The following CDH23 variants were observed in gnomAD, a reference collection of about 807,000 sequenced individuals.
CDH23 encodes cadherin related 23.
CDH23 carries 189 observed loss-of-function variants against 317.1 expected under a neutral mutation model. That is an observed-to-expected ratio of 0.60 (90% CI 0.53 to 0.67). CDH23 has a LOEUF of 0.67. CDH23 is among the 30% of genes least tolerant of loss of function. The probability of loss-of-function intolerance (pLI) is 0.00; values close to 1 mark genes in which losing one functional copy is unlikely to be tolerated. For synonymous variants in CDH23, 1,839 were observed against 1,876.8 expected, an observed-to-expected ratio of 0.98 and a Z score of 0.52; for missense variants, 4,401 against 4,592.4, an observed-to-expected ratio of 0.96 and a Z score of 1.20.
intron 22 of CDH23, among the ~76,000 whole-genome samples, chr10:71,700,742 A>G (rs549175811): frequency 3.9e-5 from 6 of 152,232 alleles, no homozygotes; most frequent in African/African-American, 9.6e-5. Flanking sequence ...AAGCCTGCCT[A>G]GGGTGCCACA....
rs535228720 is a variant in CDH23 at position 71,559,161 on chromosome 10, T to C, written c.430-7581T>C. Among the ~76,000 whole-genome samples the C allele has an allele frequency of 1.6e-4, 24 of 152,310 alleles. No individual in the cohort carries two copies. The East Asian group carries it at 4.6e-3, about 29-fold the overall frequency. The stretch of plus-strand genomic sequence containing the variant: ...CCTGAGCTTCAGCTCACCCGTCTCC[T>C]AAGGCAGTTATAACTGGCCCATCTG... On this transcript the variant is annotated intron_variant, in intron 6 of 69. Coordinates refer to ENST00000224721, the MANE Select transcript of CDH23 (RefSeq NM_022124.6).
intron 28 of CDH23, among the ~76,000 whole-genome samples, chr10:71,721,264 C>T (rs112200073): frequency 1.3e-5 from 2 of 152,172 alleles, no homozygotes; most frequent in Admixed American, 6.5e-5. Context: ...CCTGCCAGCT[C>T]CTAAGGTTTC....
chr10:71,688,814 G>GCC (rs1865031716), intron 19 of CDH23, among the ~76,000 whole-genome samples: 1 of 16,248 alleles, frequency 6.2e-5, no homozygotes, highest in Admixed American at 6.0e-4. Context: ...AGCCAACGGT[G>GCC]GTGGAGCCAG....
intron 1 of CDH23, among the ~76,000 whole-genome samples, chr10:71,403,622 T>C (rs1847961071): frequency 6.6e-6 from 1 of 150,956 alleles, no homozygotes. Flanking sequence ...ATTCAAGTGA[T>C]TCTCCTGCCT....
At chr10:71,733,228 C>T (rs544559019) in intron 32 of CDH23, among the ~76,000 whole-genome samples, 15 of 152,326 alleles carry the variant, frequency 9.8e-5, no homozygotes, top group African/African-American at 3.6e-4. Context: ...AAGAGACACA[C>T]AGAGCAAGGC....
intron 14 of CDH23, among the ~76,000 whole-genome samples, chr10:71,658,938 C>T (rs898600723): frequency 6.6e-6 from 1 of 152,124 alleles, no homozygotes; most frequent in Non-Finnish European, 1.5e-5. Flanking sequence ...TTGAGCAGGT[C>T]CATGGCTGAA....
intron 6 of CDH23, among the ~76,000 whole-genome samples, chr10:71,561,367 G>T (rs907922275): frequency 1.3e-5 from 2 of 150,940 alleles, no homozygotes; most frequent in African/African-American, 4.9e-5. Context: ...CTGCCTCTCT[G>T]CCCCACTCCC....
intron 31 of CDH23, among the ~76,000 whole-genome samples, chr10:71,730,847 TGAG>T (rs1839352881): frequency 6.6e-6 from 1 of 152,134 alleles, no homozygotes; most frequent in Non-Finnish European, 1.5e-5. Context: ...GCCACAAGCT[TGAG>T]AAGTCCAGCT....
intron 11 of CDH23, among the ~76,000 whole-genome samples, chr10:71,635,713 A>G (rs1862237706): frequency 6.6e-6 from 1 of 151,998 alleles, no homozygotes; most frequent in Admixed American, 6.6e-5. Context: ...GGAAAGAGAA[A>G]GGAGAAGAGG....
Position 71,797,117 on chromosome 10 carries a change from G to A in CDH23, c.6726G>A (p.Val2242=). The part of the protein sequence containing the change: ...AVNINTGSVM[V]KSPMNRELVA... Reference sequence around the variant, plus strand: ...TCTGGTCCACAGGATCTGTAATGGTGAAGTCCCCCATGAATCGGGAGCTGG... The same window carrying A: ...TCTGGTCCACAGGATCTGTAATGGTAAAGTCCCCCATGAATCGGGAGCTGG... Residue 2242 remains valine (V), a synonymous_variant, in exon 49 of 70, where the codon GTG becomes GTA. Transcript: ENST00000224721. 2 of 1,612,116 alleles carry A rather than the reference G, an allele frequency of 1.2e-6. No homozygotes were observed. The highest frequency in any genetic ancestry group is 2.2e-5 in the East Asian group (1 of 44,862).
rs375057273 is a variant in CDH23 at position 71,738,519 on chromosome 10, G to A, written c.4231G>A (p.Glu1411Lys). The A allele has an allele frequency of 5.1e-5, 82 of 1,613,872 alleles. 1 individual carries two copies. The South Asian group carries it at 7.7e-4, about 15-fold the overall frequency. ...TVKVYITVLD[E>K]NDNSPRFDFT... is the part of the protein sequence containing the mutation. ...TCAGGTCTACATCACTGTGCTGGAC[G>A]AGAATGACAACAGCCCCCGGTTTGA... Residue 1411 changes from glutamate (E) to lysine (K), a missense_variant, in exon 35 of 70, where the codon GAG (glutamate) becomes AAG (lysine). This residue lies in a region of CDH23 where 3,068 missense variants were observed against 3,203.3 expected (regional missense o/e 0.96). Coordinates refer to ENST00000224721, the MANE Select transcript of CDH23 (RefSeq NM_022124.6).
At chr10:71,790,085 G>A (rs1254360182) in intron 45 of CDH23, among the ~76,000 whole-genome samples, 1 of 152,198 alleles carries the variant, frequency 6.6e-6, no homozygotes, top group African/African-American at 2.4e-5. Context: ...CTCCCCAGCA[G>A]GGCTTTGAGG....
intron 28 of CDH23, among the ~76,000 whole-genome samples, chr10:71,723,155 G>A (rs140318634): frequency 1.4e-3 from 210 of 152,266 alleles, no homozygotes; most frequent in Non-Finnish European, 2.6e-3. Flanking sequence ...GAGAGCCCAG[G>A]GCCTTACAAA....
At chr10:71,423,793 G>A (rs542148575) in intron 1 of CDH23, among the ~76,000 whole-genome samples, 1 of 152,202 alleles carries the variant, frequency 6.6e-6, no homozygotes, top group African/African-American at 2.4e-5. Context: ...GCCAGTGAAG[G>A]CCAAGTGACC....
At chr10:71,446,615 A>G (rs1453015129) in intron 3 of CDH23, among the ~76,000 whole-genome samples, 1 of 152,176 alleles carries the variant, frequency 6.6e-6, no homozygotes, top group East Asian at 1.9e-4. Context: ...TGAGCCTCAG[A>G]TGCTCCACTC....
intron 38 of CDH23, among the ~76,000 whole-genome samples, chr10:71,776,717 C>T (rs1399539181): frequency 6.6e-6 from 1 of 152,196 alleles, no homozygotes. Context: ...AGGGGGACCC[C>T]TGTCCCCAAG....
intron 38 of CDH23, among the ~76,000 whole-genome samples, chr10:71,742,825 ATAGT>A (rs760726204): frequency 3.9e-4 from 60 of 152,344 alleles, no homozygotes; most frequent in Non-Finnish European, 5.7e-4. Flanking sequence ...CAATAACCAC[ATAGT>A]TAGCGCTAAT....
At chr10:71,398,629 T>C (rs1847643338) in intron 1 of CDH23, among the ~76,000 whole-genome samples, 1 of 151,872 alleles carries the variant, frequency 6.6e-6, no homozygotes, top group African/African-American at 2.4e-5. Flanking sequence ...TGGTTCGTGG[T>C]GCAGGGGTAG....
chr10:71,797,095 G>T lies in CDH23; in HGVS notation c.6713-9G>T, dbSNP rs1164441593. 4.4e-6 allele frequency: 7 copies of T among 1,594,302 alleles called. No homozygotes were observed. Among genetic ancestry groups the T allele is most frequent in the South Asian group, 1.1e-5 (1 of 89,930 alleles). On this transcript the variant is annotated splice_polypyrimidine_tract_variant and intron_variant, in intron 48 of 69. Transcript: ENST00000224721. Reference sequence around the variant, plus strand: ...TCTCAGGCTGAACCTGGCCTGGTCTGGTCCACAGGATCTGTAATGGTGAAG... The same window carrying T: ...TCTCAGGCTGAACCTGGCCTGGTCTTGTCCACAGGATCTGTAATGGTGAAG...
Sources: allele counts gnomAD v4.1 joint callset (sites outside exome capture counted in the v4.1 genomes callset), GRCh38; gene constraint gnomAD v4.1.1; regional missense constraint gnomAD v4.1.1; transcripts MANE v1.5; gene names NCBI Gene and HGNC (gene_info 2026-07-23, HGNC 2026-07-21).